SCN1A: variants seen among roughly 807,000 people sequenced by gnomAD.
SCN1A encodes sodium channel protein type 1 subunit alpha.
Under a neutral mutation model 193.7 loss-of-function variants are expected in SCN1A, and 13 were observed. That is an observed-to-expected ratio of 0.07 (90% CI 0.04 to 0.11). The LOEUF is 0.11. Among genes scored for constraint, SCN1A ranks in the 10% least tolerant of loss-of-function variants. The pLI, the probability that SCN1A is intolerant of heterozygous loss-of-function variation, is 1.00. For synonymous variants in SCN1A, 781 were observed against 843.6 expected, an observed-to-expected ratio of 0.93 and a Z score of 1.29; for missense variants, 1,432 against 2,451.1, an observed-to-expected ratio of 0.58 and a Z score of 8.78.
chr2:166,081,464 G>A (rs1685517493), intron 2 of SCN1A: 1 of 151,702 alleles, frequency 6.6e-6, no homozygotes, highest in African/African-American at 2.4e-5. Context: ...TTTGGTTAAC[G>A]GGCTTTTGGG....
chr2:166,129,606 G>A (rs1321625280), upstream of SCN1A, among the ~76,000 whole-genome samples: 2 of 152,148 alleles, frequency 1.3e-5, no homozygotes, highest in African/African-American at 4.8e-5. Flanking sequence ...GAGGAGACAG[G>A]TGATCAACAA....
chr2:166,097,599 A>C (rs377294946), intron 2 of SCN1A, among the ~76,000 whole-genome samples: 1 of 151,984 alleles, frequency 6.6e-6, no homozygotes, highest in South Asian at 2.1e-4. Context: ...TCAATTAAAA[A>C]AAAATAGGGT....
chr2:166,096,506 T>A (rs1037761878), intron 2 of SCN1A, among the ~76,000 whole-genome samples: 2 of 152,188 alleles, frequency 1.3e-5, no homozygotes, highest in Admixed American at 1.3e-4. Context: ...GGTCTTGAAC[T>A]CCTGACCTCG....
At chr2:166,139,561 C>A (rs897111651) in intron 1 of SCN1A, among the ~76,000 whole-genome samples, 1 of 152,188 alleles carries the variant, frequency 6.6e-6, no homozygotes, top group Non-Finnish European at 1.5e-5. Flanking sequence ...CCACGTGGAA[C>A]TATGAGTTCA....
chr2:166,054,051 A>G (rs1698872829), intron 7 of SCN1A, among the ~76,000 whole-genome samples: 2 of 152,016 alleles, frequency 1.3e-5, no homozygotes, highest in Non-Finnish European at 2.9e-5. Flanking sequence ...GGAGAGAAAC[A>G]GAAAGAGGCA....
chr2:165,998,965 C>T (rs1381759151), intron 25 of SCN1A: 3 of 151,330 alleles, frequency 2.0e-5, no homozygotes, highest in Non-Finnish European at 4.4e-5. Flanking sequence ...ACTGCAGGGA[C>T]AGAGGTTATT....
chr2:165,994,342 A>G lies in SCN1A; in HGVS notation c.4656T>C (p.Cys1552=). ...VFDISIMILI[C]LNMVTMMVET... is the part of the protein sequence containing the mutation. ...CCACCATCATTGTGACCATGTTAAG[A>G]CAGATGAGAATCATGATGCTTATGT... Residue 1552 remains cysteine (C), a synonymous_variant, in exon 28 of 29, where the codon TGT becomes TGC. Coordinates refer to ENST00000674923, the MANE Select transcript of SCN1A (RefSeq NM_001165963.4). 1 of 1,613,138 alleles carries G rather than the reference A, an allele frequency of 6.2e-7. No homozygotes were observed. The highest frequency in any genetic ancestry group is 1.1e-5 in the South Asian group (1 of 91,064).
At chr2:166,020,361 A>T (rs1003275901) in intron 19 of SCN1A, among the ~76,000 whole-genome samples, 2 of 152,186 alleles carry the variant, frequency 1.3e-5, no homozygotes, top group Admixed American at 1.3e-4. Context: ...ACTTCTCTTC[A>T]TTCTAATGGA....
chr2:166,115,540 A>G (rs752225644), intron 2 of SCN1A, among the ~76,000 whole-genome samples: 1 of 152,308 alleles, frequency 6.6e-6, no homozygotes, highest in Non-Finnish European at 1.5e-5. Context: ...TACTCATAGT[A>G]TATATGAGTT....
chr2:166,123,796 G>A (rs183664678), intron 2 of SCN1A, among the ~76,000 whole-genome samples: 3 of 151,798 alleles, frequency 2.0e-5, no homozygotes, highest in Admixed American at 2.0e-4. Context: ...TAAAAGTCGG[G>A]GGCAGTTAGA....
In SCN1A at chr2:166,117,138, T is replaced by G. The variant is rs573362177; in HGVS notation, c.-142+9786A>C. ...GACAGTCTCCATTTATTTTCAAAAATTTGTCTTTTCAATATCTGTTTGAAT... is the reference window on the plus strand; with the variant it reads ...GACAGTCTCCATTTATTTTCAAAAAGTTGTCTTTTCAATATCTGTTTGAAT... On this transcript the variant is annotated intron_variant, in intron 2 of 28. Transcript: ENST00000674923. 7.2e-5 allele frequency among the ~76,000 whole-genome samples: 11 copies of G among 152,322 alleles called. No individual in the cohort carries two copies. In the East Asian group the frequency reaches 1.9e-3, roughly 27 times the overall value.
chr2:166,147,406 AAATT>A (rs1297866130), intron 1 of SCN1A, among the ~76,000 whole-genome samples: 2 of 152,218 alleles, frequency 1.3e-5, no homozygotes, highest in Non-Finnish European at 2.9e-5. Flanking sequence ...TAAAATGAAA[AAATT>A]AATATATTTT....
intron 23 of SCN1A, among the ~76,000 whole-genome samples, chr2:166,003,667 G>T (rs144124702): frequency 1.8e-4 from 28 of 151,654 alleles, no homozygotes; most frequent in Non-Finnish European, 3.5e-4. Context: ...AGCTGCACAG[G>T]AGTGGCTAAG....
chr2:166,056,059 T>G (rs1287762352), intron 6 of SCN1A, among the ~76,000 whole-genome samples: 1 of 152,128 alleles, frequency 6.6e-6, no homozygotes, highest in Non-Finnish European at 1.5e-5. Context: ...TTTTTGATTC[T>G]TGATTCAATG....
chr2:166,132,318 C>T (rs1297543781), upstream of SCN1A, among the ~76,000 whole-genome samples: 1 of 151,992 alleles, frequency 6.6e-6, no homozygotes, highest in Non-Finnish European at 1.5e-5. Context: ...TGATGTGATC[C>T]TTGGTAAATG....
In SCN1A at chr2:165,987,253, A is replaced by G. The variant is rs1326646999; in HGVS notation, c.*3992T>C. 2.0e-5 allele frequency: 3 copies of G among 152,146 alleles called. No homozygotes were observed. The highest frequency in any genetic ancestry group is 4.4e-5 in the Non-Finnish European group (3 of 68,022). 9.4% of individuals were successfully genotyped at this position (152,146 alleles called of 1,614,324 possible). A position where few individuals can be genotyped will look rare whatever the true frequency, so the allele number is the denominator to read the frequency against. On this transcript the variant is annotated 3_prime_UTR_variant, in exon 29 of 29. Coordinates refer to ENST00000674923, the MANE Select transcript of SCN1A (RefSeq NM_001165963.4). ...GGCCCTTTCAGTATATCTTATCAGGAGGCACATAGTATCAGTTGGTCTCAT... is the reference window on the plus strand; with the variant it reads ...GGCCCTTTCAGTATATCTTATCAGGGGGCACATAGTATCAGTTGGTCTCAT...
chr2:165,999,164 G>A (rs1690483515), intron 25 of SCN1A: 1 of 152,036 alleles, frequency 6.6e-6, no homozygotes, highest in Non-Finnish European at 1.5e-5. Context: ...TACACTTAAA[G>A]GAATCTGTTG....
intron 19 of SCN1A, among the ~76,000 whole-genome samples, chr2:166,033,956 GA>G (rs1247169642): frequency 1.7e-5 from 2 of 120,090 alleles, no homozygotes; most frequent in Non-Finnish European, 3.4e-5. Context: ...TATTTTAACA[GA>G]AGTTCAGAAA....
chr2:166,005,215 C>A (rs504059), intron 23 of SCN1A, among the ~76,000 whole-genome samples: 35,247 of 151,002 alleles, frequency 0.23, 4,629 homozygotes, highest in Middle Eastern at 0.41. Flanking sequence ...TAAGAACATA[C>A]CAGAGAGCTT....
Sources: allele counts gnomAD v4.1 joint callset (sites outside exome capture counted in the v4.1 genomes callset), GRCh38; gene constraint gnomAD v4.1.1; transcripts MANE v1.5; gene names NCBI Gene and HGNC (gene_info 2026-07-23, HGNC 2026-07-21).